PDLIM5: variants seen among roughly 807,000 people sequenced by gnomAD.
PDLIM5 encodes PDZ and LIM domain 5, also known as PDZ and LIM domain protein 5.
PDLIM5 carries 34 observed loss-of-function variants against 64.2 expected under a neutral mutation model. That is an observed-to-expected ratio of 0.53 (90% CI 0.40 to 0.71). The LOEUF (loss-of-function observed/expected upper bound fraction) is 0.71. Ranked by LOEUF, PDLIM5 falls within the 30% of genes least tolerant of loss-of-function variation. The pLI is 0.00. For synonymous variants in PDLIM5, 253 were observed against 269.1 expected (o/e 0.94, Z 0.59); for missense variants, 683 against 733.6 (o/e 0.93, Z 0.80).
At chr4:94,525,436 A>AT (rs201388221) in intron 3 of PDLIM5, among the ~76,000 whole-genome samples, 47 of 141,118 alleles carry the variant, frequency 3.3e-4, no homozygotes, top group African/African-American at 1.3e-3. Context: ...CCAAAAAAAT[A>AT]TTAAAAAAAA....
chr4:94,544,801 A>G (rs561989470), intron 3 of PDLIM5, among the ~76,000 whole-genome samples: 2 of 152,314 alleles, frequency 1.3e-5, no homozygotes, highest in Admixed American at 6.5e-5. Flanking sequence ...AATTACAGGC[A>G]TGTACCACCA....
intron 8 of PDLIM5, among the ~76,000 whole-genome samples, chr4:94,621,468 G>A (rs1303980848): frequency 6.6e-6 from 1 of 152,172 alleles, no homozygotes; most frequent in Non-Finnish European, 1.5e-5. Context: ...ATGGTAATTG[G>A]AAGCTAACAG....
intron 3 of PDLIM5, among the ~76,000 whole-genome samples, chr4:94,572,224 G>T (rs187015577): frequency 1.4e-3 from 210 of 152,176 alleles, no homozygotes; most frequent in Non-Finnish European, 2.4e-3. Context: ...TCTGTGCTTG[G>T]TGTGTTATCC....
chr4:94,482,329 C>G (rs1248093080), intron 2 of PDLIM5, among the ~76,000 whole-genome samples: 1 of 151,830 alleles, frequency 6.6e-6, no homozygotes, highest in East Asian at 1.9e-4. Flanking sequence ...GCCACTGCAC[C>G]CAGCCCAATT....
intron 2 of PDLIM5, among the ~76,000 whole-genome samples, chr4:94,466,187 G>A (rs191906967): frequency 7.2e-4 from 109 of 152,144 alleles, no homozygotes; most frequent in African/African-American, 2.6e-3. Flanking sequence ...AGGCTGATCT[G>A]TAACTCCTGA....
intron 5 of PDLIM5, among the ~76,000 whole-genome samples, chr4:94,583,346 T>C (rs1256749359): frequency 3.9e-5 from 6 of 152,166 alleles, no homozygotes; most frequent in Admixed American, 1.3e-4. Flanking sequence ...TCGTGATATC[T>C]TAGCTTGACA....
Position 94,585,590 on chromosome 4 carries a change from C to G in PDLIM5, c.736C>G (p.Arg246Gly), listed in dbSNP as rs201891054. 6 of 1,610,860 alleles carry G rather than the reference C, an allele frequency of 3.7e-6. No homozygotes were observed. The South Asian group carries it at 6.6e-5, about 18-fold the overall frequency. ...CCCACCAAGAAAACACATTGTGGAGCGCTATACAGAGTTTTATCATGTACC... is the reference window on the plus strand; with the variant it reads ...CCCACCAAGAAAACACATTGTGGAGGGCTATACAGAGTTTTATCATGTACC... ...NGPPRKHIVE[R>G]YTEFYHVPTH... Residue 246 changes from arginine to glycine, a missense_variant, in exon 6 of 13, where the codon CGC (arginine) becomes GGC (glycine). Arg to Gly is a moderately radical substitution (Grantham distance 125, BLOSUM62 -2). Coordinates refer to ENST00000317968, the MANE Select transcript of PDLIM5 (RefSeq NM_006457.5).
chr4:94,541,038 C>T (rs1731762345), intron 3 of PDLIM5, among the ~76,000 whole-genome samples: 1 of 152,188 alleles, frequency 6.6e-6, no homozygotes. Flanking sequence ...TATACTTCAT[C>T]TTCCTTCGTA....
chr4:94,644,473 T>C (rs139952204), intron 9 of PDLIM5, among the ~76,000 whole-genome samples: 111 of 151,856 alleles, frequency 7.3e-4, no homozygotes, highest in African/African-American at 2.7e-3. Context: ...TATTTAAGCC[T>C]GATAACAATA....
At chr4:94,569,786 G>A (rs1243644988) in intron 3 of PDLIM5, among the ~76,000 whole-genome samples, 2 of 152,102 alleles carry the variant, frequency 1.3e-5, no homozygotes, top group Non-Finnish European at 2.9e-5. Context: ...TTCCACTTAT[G>A]CTACTTAAAT....
chr4:94,462,254 A>C (rs1723961939), intron 2 of PDLIM5, among the ~76,000 whole-genome samples: 2 of 152,048 alleles, frequency 1.3e-5, no homozygotes. Context: ...CCTGCTGTTC[A>C]TTTCCTCCTC....
chr4:94,537,536 C>A (rs1374698290), intron 3 of PDLIM5, among the ~76,000 whole-genome samples: 2 of 151,988 alleles, frequency 1.3e-5, no homozygotes, highest in Non-Finnish European at 2.9e-5. Flanking sequence ...AATAGTATTT[C>A]TTCTGAGATA....
At chr4:94,510,994 T>C (rs1728822444) in intron 2 of PDLIM5, among the ~76,000 whole-genome samples, 1 of 152,226 alleles carries the variant, frequency 6.6e-6, no homozygotes, top group Admixed American at 6.5e-5. Context: ...TTTAGACTAA[T>C]GAAAAATTGT....
At chr4:94,582,063 A>G (rs2110302008) in intron 5 of PDLIM5, among the ~76,000 whole-genome samples, 1 of 152,312 alleles carries the variant, frequency 6.6e-6, no homozygotes, top group Admixed American at 6.5e-5. Flanking sequence ...CTCATTATTT[A>G]TGATCCACTG....
intron 3 of PDLIM5, among the ~76,000 whole-genome samples, chr4:94,559,723 A>T (rs1224304548): frequency 6.6e-6 from 1 of 152,204 alleles, no homozygotes; most frequent in Non-Finnish European, 1.5e-5. Context: ...GCTCACCCAC[A>T]GCCTTGGGTG....
At chr4:94,583,042 T>C in intron 5 of PDLIM5, 1 of 196,436 alleles carries the variant, frequency 5.1e-6, no homozygotes. Flanking sequence ...CTTATTATTA[T>C]TATTATTTTA....
chr4:94,552,089 G>A (rs1318243476), intron 3 of PDLIM5, among the ~76,000 whole-genome samples: 3 of 152,288 alleles, frequency 2.0e-5, no homozygotes, highest in Admixed American at 6.5e-5. Context: ...ATGCCCAAGA[G>A]TGTGACTTTG....
chr4:94,487,926 A>G (rs1387852556), intron 2 of PDLIM5, among the ~76,000 whole-genome samples: 2 of 152,190 alleles, frequency 1.3e-5, no homozygotes, highest in Admixed American at 6.5e-5. Flanking sequence ...CCTAATTAGT[A>G]TATTAGGACT....
chr4:94,535,484 G>T (rs1031998540), intron 3 of PDLIM5, among the ~76,000 whole-genome samples: 1 of 152,120 alleles, frequency 6.6e-6, no homozygotes, highest in Non-Finnish European at 1.5e-5. Context: ...GCTGCACTTG[G>T]TGAACGGCCC....
Sources: gnomAD v4.1 joint callset for allele counts (sites outside exome capture counted in the v4.1 genomes callset) on GRCh38, gnomAD v4.1.1 for gene constraint, MANE v1.5 for transcripts, NCBI Gene and HGNC (gene_info 2026-07-23, HGNC 2026-07-21) for gene names.